The following BAZ2B variants were observed in gnomAD, a reference collection of about 807,000 sequenced individuals.
BAZ2B encodes bromodomain adjacent to zinc finger domain protein 2B.
BAZ2B carries 91 observed loss-of-function variants against 246.0 expected under a neutral mutation model. That is an observed-to-expected ratio of 0.37 (90% CI 0.31 to 0.44). The LOEUF is 0.44. BAZ2B is among the 20% of genes least tolerant of loss of function. BAZ2B has a pLI of 1.00. For missense variants in BAZ2B, 2,332 were observed against 2,533.7 expected (o/e 0.92, Z 1.71); for synonymous variants, 855 against 860.0 (o/e 0.99, Z 0.10).
chr2:159,661,672 T>TTGTATGTG, the BAZ2B span, among the ~76,000 whole-genome samples: 1 of 152,342 alleles, frequency 6.6e-6, no homozygotes, highest in East Asian at 1.9e-4. Context: ...GAGTGTATGT[T>TTGTATGTG]TGTATGTGTG....
intron 4 of BAZ2B, 49 bp from the exon 5 acceptor site, chr2:159,448,458 C>T: frequency 6.7e-7 from 1 of 1,500,474 alleles, no homozygotes; most frequent in Non-Finnish European, 8.9e-7. Flanking sequence ...ATTAACTTTC[C>T]AGTTAACGTC....
intron 2 of BAZ2B, among the ~76,000 whole-genome samples, chr2:159,555,217 G>A (rs2088941191): frequency 6.6e-6 from 1 of 151,484 alleles, no homozygotes; most frequent in Non-Finnish European, 1.5e-5. Flanking sequence ...TCAGCCTCCC[G>A]AGTAGCTGGG....
the BAZ2B span, among the ~76,000 whole-genome samples, chr2:159,649,642 T>G: frequency 6.6e-6 from 1 of 152,162 alleles, no homozygotes; most frequent in African/African-American, 2.4e-5. Context: ...AGATTTTCTC[T>G]TATTACTATT....
chr2:159,663,201 CTTTT>C, the BAZ2B span, among the ~76,000 whole-genome samples: 1 of 144,928 alleles, frequency 6.9e-6, no homozygotes, highest in Non-Finnish European at 1.5e-5. Context: ...TTTTTTTTTT[CTTTT>C]TTTTCTTTTT....
intron 3 of BAZ2B, among the ~76,000 whole-genome samples, chr2:159,468,324 A>G (rs1182914217): frequency 6.6e-6 from 1 of 152,192 alleles, no homozygotes; most frequent in African/African-American, 2.4e-5. Flanking sequence ...CAACAACAAC[A>G]ACAACAACAA....
chr2:159,453,058 C>G (rs1393939121), intron 4 of BAZ2B, among the ~76,000 whole-genome samples: 1 of 152,188 alleles, frequency 6.6e-6, no homozygotes, highest in African/African-American at 2.4e-5. Flanking sequence ...TGAGACTGCA[C>G]CACTGCGCTC....
the BAZ2B span, among the ~76,000 whole-genome samples, chr2:159,691,684 T>C: frequency 1.3e-5 from 2 of 152,190 alleles, no homozygotes; most frequent in African/African-American, 2.4e-5. Flanking sequence ...CCAGCATCAC[T>C]AGTAGCGCTT....
At chr2:159,342,662 CCAAA>C (rs2066937006) in intron 31 of BAZ2B, among the ~76,000 whole-genome samples, 1 of 151,966 alleles carries the variant, frequency 6.6e-6, no homozygotes, top group Non-Finnish European at 1.5e-5. Context: ...ACAATAGCTA[CCAAA>C]CAAACAAGCA....
intron 2 of BAZ2B, among the ~76,000 whole-genome samples, chr2:159,528,742 C>A (rs1010303352): frequency 2.0e-5 from 3 of 151,558 alleles, no homozygotes; most frequent in Admixed American, 1.3e-4. Flanking sequence ...GTAGAAAATC[C>A]TTTTATTAAC....
chr2:159,465,838 C>CA (rs1312955370), intron 3 of BAZ2B, among the ~76,000 whole-genome samples: 1 of 151,740 alleles, frequency 6.6e-6, no homozygotes, highest in African/African-American at 2.4e-5. Context: ...CACTTGAACC[C>CA]AGGAGGCAGA....
intron 2 of BAZ2B, among the ~76,000 whole-genome samples, chr2:159,531,089 T>C (rs1036835234): frequency 8.5e-5 from 13 of 152,208 alleles, no homozygotes; most frequent in Non-Finnish European, 1.5e-4. Context: ...ATTATGCATC[T>C]GTCATGAATA....
At chr2:159,706,888 T>C in the BAZ2B span, among the ~76,000 whole-genome samples, 1 of 152,196 alleles carries the variant, frequency 6.6e-6, no homozygotes, top group Non-Finnish European at 1.5e-5. Flanking sequence ...CTTGATAATG[T>C]TGATGGGCCT....
chr2:159,504,568 T>C (rs2082144101), intron 2 of BAZ2B, among the ~76,000 whole-genome samples: 1 of 152,226 alleles, frequency 6.6e-6, no homozygotes, highest in Non-Finnish European at 1.5e-5. Context: ...TGCTTTTCCA[T>C]ATTTATATCA....
In BAZ2B at chr2:159,495,251, C is replaced by A. The variant is rs574549239; in HGVS notation, c.-2-16530G>T. Among the ~76,000 whole-genome samples, 12 of 151,590 alleles carry A rather than the reference C, an allele frequency of 7.9e-5. No individual in the cohort carries two copies. The East Asian group carries it at 2.1e-3, about 27-fold the overall frequency. On this transcript the variant is annotated intron_variant, in intron 2 of 36. Coordinates refer to ENST00000392783, the MANE Select transcript of BAZ2B (RefSeq NM_013450.4). ...CTGTAATCCCAGCACTTTGGGAGGC[C>A]GAGGCGGGCGGATCACGAGGTCAGG... is the stretch of plus-strand genomic sequence containing the variant.
At chr2:159,327,023 C>T (rs2063810296) in intron 34 of BAZ2B, among the ~76,000 whole-genome samples, 1 of 151,202 alleles carries the variant, frequency 6.6e-6, no homozygotes, top group African/African-American at 2.4e-5. Context: ...GTCACATAAT[C>T]AGTGTAGCAA....
At chr2:159,478,856 T>C (rs2078930513) in intron 2 of BAZ2B, 135 bp from the exon 3 acceptor site, 1 of 587,942 alleles carries the variant, frequency 1.7e-6, no homozygotes, top group South Asian at 5.8e-5. Context: ...AGAGAAAATA[T>C]GGAGTAGATA....
chr2:159,340,157 C>G (rs1037799466), intron 31 of BAZ2B, among the ~76,000 whole-genome samples: 1 of 150,868 alleles, frequency 6.6e-6, no homozygotes, highest in East Asian at 1.9e-4. Flanking sequence ...ACAGACTAGA[C>G]CAAGGGGAAG....
intron 2 of BAZ2B, among the ~76,000 whole-genome samples, chr2:159,549,321 T>C (rs2151430912): frequency 6.6e-6 from 1 of 152,248 alleles, no homozygotes; most frequent in Middle Eastern, 3.4e-3. Flanking sequence ...CTAAAACATT[T>C]ACATGTCTCT....
chr2:159,477,738 C>A (rs2078770951), intron 3 of BAZ2B, among the ~76,000 whole-genome samples: 1 of 152,012 alleles, frequency 6.6e-6, no homozygotes, highest in Admixed American at 6.5e-5. Context: ...TGTATTCTAC[C>A]ACACCTTTGT....
Sources: allele counts gnomAD v4.1 joint callset (sites outside exome capture counted in the v4.1 genomes callset), GRCh38; gene constraint gnomAD v4.1.1; transcripts MANE v1.5; gene names NCBI Gene and HGNC (gene_info 2026-07-23, HGNC 2026-07-21).